The following CARM1 variants were observed in gnomAD, a reference collection of about 807,000 sequenced individuals.
The protein encoded by CARM1 is coactivator associated arginine methyltransferase 1, also known as histone-arginine methyltransferase CARM1.
Under a neutral mutation model 72.7 loss-of-function variants are expected in CARM1, and 14 were observed. That is an observed-to-expected ratio of 0.19 (90% confidence interval 0.13 to 0.30). The LOEUF (loss-of-function observed/expected upper bound fraction) is 0.30. Among genes scored for constraint, CARM1 ranks in the 10% least tolerant of loss-of-function variants. The pLI is 1.00. For missense variants in CARM1, 432 were observed against 833.7 expected (o/e 0.52, Z 5.93); for synonymous variants, 333 against 345.5 (o/e 0.96, Z 0.40).
intron 4 of CARM1, among the ~76,000 whole-genome samples, chr19:10,910,201 G>C (rs915019639): frequency 6.6e-6 from 1 of 151,808 alleles, no homozygotes; most frequent in African/African-American, 2.4e-5. Context: ...AATCGGCCAG[G>C]CACAGTGGCT....
At chr19:10,905,829 T>C (rs1036000397) in intron 2 of CARM1, among the ~76,000 whole-genome samples, 2 of 151,982 alleles carry the variant, frequency 1.3e-5, no homozygotes, top group African/African-American at 4.8e-5. Flanking sequence ...TTTGTAGAGA[T>C]GGGTTTTCAC....
chr19:10,875,976 C>T (rs1349570160), intron 1 of CARM1, among the ~76,000 whole-genome samples: 1 of 151,658 alleles, frequency 6.6e-6, no homozygotes, highest in Non-Finnish European at 1.5e-5. Context: ...GAGCGATTCG[C>T]CTGCTTTGGC....
intron 8 of CARM1, among the ~76,000 whole-genome samples, chr19:10,917,540 C>T (rs756589054): frequency 3.9e-5 from 6 of 151,970 alleles, no homozygotes; most frequent in Non-Finnish European, 7.4e-5. Context: ...GTTTTTCATT[C>T]GTTTTGGGAG....
At chr19:10,893,323 C>T (rs1299860424) in intron 1 of CARM1, among the ~76,000 whole-genome samples, 1 of 152,092 alleles carries the variant, frequency 6.6e-6, no homozygotes, top group Non-Finnish European at 1.5e-5. Context: ...AGGCGTGAGC[C>T]ACTGCCCCCA....
chr19:10,886,459 G>C (rs377347072), intron 1 of CARM1, among the ~76,000 whole-genome samples: 1 of 151,826 alleles, frequency 6.6e-6, no homozygotes, highest in Non-Finnish European at 1.5e-5. Context: ...ACCACCCAAA[G>C]TGCTGGGATT....
chr19:10,891,134 C>A (rs2073985129), intron 1 of CARM1, among the ~76,000 whole-genome samples: 1 of 149,428 alleles, frequency 6.7e-6, no homozygotes, highest in Non-Finnish European at 1.5e-5. Context: ...CTTCTCTCGA[C>A]CCTTTGCCTT....
intron 1 of CARM1, among the ~76,000 whole-genome samples, chr19:10,877,357 A>G (rs560777122): frequency 3.4e-4 from 52 of 152,200 alleles, no homozygotes; most frequent in Non-Finnish European, 6.2e-4. Flanking sequence ...GGGGGCAGCT[A>G]GGGAAAGGGC....
intron 2 of CARM1, among the ~76,000 whole-genome samples, chr19:10,906,952 G>T (rs2074110148): frequency 6.9e-6 from 1 of 145,100 alleles, no homozygotes; most frequent in Non-Finnish European, 1.5e-5. Context: ...TGTTGCCCAG[G>T]CTGGAGTGCA....
intron 1 of CARM1, among the ~76,000 whole-genome samples, chr19:10,872,188 A>G (rs1599678784): frequency 1.0e-5 from 1 of 100,032 alleles, no homozygotes; most frequent in African/African-American, 3.9e-5. Context: ...GAGATTTGGG[A>G]GGGGTGGGTG....
chr19:10,900,307 A>G (rs1321325213), intron 1 of CARM1, among the ~76,000 whole-genome samples: 2 of 152,168 alleles, frequency 1.3e-5, no homozygotes, highest in Non-Finnish European at 2.9e-5. Flanking sequence ...AATCACCTCT[A>G]TCTACTCCCA....
At position 10,912,591 on chromosome 19, in the gene CARM1, G is replaced by C. The variant is rs578206419; in HGVS notation, c.669+297G>C. Reference sequence around the variant, plus strand: ...TAAAAGCTAAAAAAGAGCAGACAGCGTGCTCTCCTTCCCCACCCCAGCTCC... The same window carrying C: ...TAAAAGCTAAAAAAGAGCAGACAGCCTGCTCTCCTTCCCCACCCCAGCTCC... On this transcript the variant is annotated intron_variant, in intron 5 of 15. Coordinates refer to ENST00000327064, the MANE Select transcript of CARM1 (RefSeq NM_199141.2). This position sits in a 1 kb window ranked among gnomAD's most constrained non-coding sequence, Gnocchi z 4.5. Among the ~76,000 whole-genome samples, 1 of 151,230 alleles carries C rather than the reference G, an allele frequency of 6.6e-6. No individual in the cohort carries two copies. The highest frequency in any genetic ancestry group is 1.5e-5 in the Non-Finnish European group (1 of 67,896).
At chr19:10,890,720 AATAT>A (rs1486905140) in intron 1 of CARM1, among the ~76,000 whole-genome samples, 3 of 147,230 alleles carry the variant, frequency 2.0e-5, no homozygotes, top group Non-Finnish European at 4.5e-5. Context: ...TATACACATG[AATAT>A]ATAGACACAT....
At chr19:10,884,268 G>A (rs1461155846) in intron 1 of CARM1, among the ~76,000 whole-genome samples, 2 of 150,962 alleles carry the variant, frequency 1.3e-5, no homozygotes, top group African/African-American at 4.9e-5. Flanking sequence ...TTGAACCCAG[G>A]AGATGGAGGT....
chr19:10,890,666 T>C (rs964374478), intron 1 of CARM1, among the ~76,000 whole-genome samples: 10 of 150,324 alleles, frequency 6.7e-5, no homozygotes, highest in African/African-American at 2.4e-4. Context: ...CGTATATATG[T>C]GTATACGTAT....
intron 2 of CARM1, among the ~76,000 whole-genome samples, chr19:10,907,031 T>C (rs2074111042): frequency 6.6e-6 from 1 of 151,192 alleles, no homozygotes; most frequent in Non-Finnish European, 1.5e-5. Flanking sequence ...CTCAGCCTCC[T>C]GAGTAGCTGG....
At chr19:10,895,667 C>G (rs866328245) in intron 1 of CARM1, among the ~76,000 whole-genome samples, 1 of 152,202 alleles carries the variant, frequency 6.6e-6, no homozygotes, top group African/African-American at 2.4e-5. Context: ...CCCACTGCCC[C>G]CTGTGCTTAG....
At chr19:10,895,431 C>T (rs984837239) in intron 1 of CARM1, among the ~76,000 whole-genome samples, 2 of 152,226 alleles carry the variant, frequency 1.3e-5, no homozygotes, top group Non-Finnish European at 2.9e-5. Context: ...GAAGGGACTC[C>T]AGGTCCCCCT....
chr19:10,911,977 C>CA (rs1229094495), intron 4 of CARM1, among the ~76,000 whole-genome samples: 2 of 152,222 alleles, frequency 1.3e-5, no homozygotes, highest in Non-Finnish European at 2.9e-5. Flanking sequence ...TGGGGCCGAG[C>CA]GGGAGCTTCC....
intron 1 of CARM1, among the ~76,000 whole-genome samples, chr19:10,886,500 C>G (rs2073943743): frequency 6.6e-6 from 1 of 151,720 alleles, no homozygotes; most frequent in African/African-American, 2.4e-5. Flanking sequence ...CCCGCCCCCT[C>G]CCTCATTTTT....
Sources: allele counts gnomAD v4.1 joint callset (sites outside exome capture counted in the v4.1 genomes callset), GRCh38; gene constraint gnomAD v4.1.1; non-coding constraint Gnocchi (gnomAD v3.1); transcripts MANE v1.5; gene names NCBI Gene and HGNC (gene_info 2026-07-23, HGNC 2026-07-21).